Variants in DAB1 observed in about 807,000 individuals in gnomAD.
The protein encoded by DAB1 is DAB adaptor protein 1.
A neutral mutation model predicts 64.6 loss-of-function variants in DAB1; 15 were observed. The ratio of observed to expected loss-of-function variants is 0.23; its 90% confidence interval spans 0.16 to 0.36. The LOEUF (loss-of-function observed/expected upper bound fraction) is 0.36, where lower values mean the gene tolerates loss of function less well. Among genes scored for constraint, DAB1 ranks in the 10% least tolerant of loss-of-function variants. The probability of loss-of-function intolerance (pLI) is 1.00; values close to 1 mark genes in which losing one functional copy is unlikely to be tolerated. For synonymous variants in DAB1, 235 were observed against 251.9 expected (o/e 0.93, Z 0.64); for missense variants, 596 against 706.7 (o/e 0.84, Z 1.78).
intron 1 of DAB1, among the ~76,000 whole-genome samples, chr1:57,357,519 C>CTTTTTT (rs35457403): frequency 8.1e-6 from 1 of 122,792 alleles, no homozygotes; most frequent in African/African-American, 3.1e-5. Flanking sequence ...CACCTTCTTC[C>CTTTTTT]TTTTTTTTTT....
At chr1:57,681,687 A>G (rs1208850587) in intron 6 of DAB1, among the ~76,000 whole-genome samples, 1 of 152,206 alleles carries the variant, frequency 6.6e-6, no homozygotes, top group African/African-American at 2.4e-5. Flanking sequence ...GTCAGTAGAT[A>G]AGACATTTTA....
At chr1:58,428,669 T>C (rs1245326900) in intron 3 of DAB1, among the ~76,000 whole-genome samples, 1 of 152,222 alleles carries the variant, frequency 6.6e-6, no homozygotes, top group Admixed American at 6.5e-5. Flanking sequence ...TTAAAATATT[T>C]ATAGTTCAAA....
At chr1:58,530,393 C>A (rs776591648) in intron 1 of DAB1, among the ~76,000 whole-genome samples, 7 of 152,166 alleles carry the variant, frequency 4.6e-5, no homozygotes, top group Non-Finnish European at 7.3e-5. Flanking sequence ...ACTCTCCATA[C>A]CCATCATTTG....
intron 6 of DAB1, among the ~76,000 whole-genome samples, chr1:57,684,125 G>C (rs1386820836): frequency 6.6e-6 from 1 of 152,070 alleles, no homozygotes; most frequent in Non-Finnish European, 1.5e-5. Context: ...ATTATGTAAA[G>C]AGACCAAACT....
chr1:57,771,707 C>T (rs1649570540), intron 6 of DAB1, among the ~76,000 whole-genome samples: 1 of 152,026 alleles, frequency 6.6e-6, no homozygotes. Flanking sequence ...TACCTCACTC[C>T]CAAATTCTTC....
rs543897326 is a variant in DAB1, at chr1:57,040,652, A to G, written c.724-14609T>C. Among the ~76,000 whole-genome samples the G allele has an allele frequency of 3.9e-5, 6 of 152,322 alleles. No individual in the cohort carries two copies. In the South Asian group the frequency reaches 1.2e-3, roughly 32 times the overall value. On this transcript the variant is annotated intron_variant, in intron 9 of 14. Coordinates refer to ENST00000371236, the MANE Select transcript of DAB1 (RefSeq NM_001365792.1). ...ATGCACAGGTATAAATATACACAGA[A>G]AACCAGAAATCAAAGGGGAAGCATT...
At chr1:57,710,772 A>G (rs549159700) in intron 6 of DAB1, among the ~76,000 whole-genome samples, 2 of 152,220 alleles carry the variant, frequency 1.3e-5, no homozygotes, top group African/African-American at 4.8e-5. Flanking sequence ...TGGAATAAAG[A>G]GTTTAATAGA....
intron 3 of DAB1, chr1:58,473,760 ACC>A (rs569332572): frequency 2.0e-6 from 1 of 509,910 alleles, no homozygotes; most frequent in East Asian, 6.9e-5. Context: ...AGCCCTAATG[ACC>A]CCATCTCCAG....
intron 5 of DAB1, among the ~76,000 whole-genome samples, chr1:58,067,339 G>A (rs1557635137): frequency 6.6e-6 from 1 of 152,232 alleles, no homozygotes; most frequent in Non-Finnish European, 1.5e-5. Context: ...GTGAATGAAT[G>A]AGCTTCTCTG....
rs931973142 is a variant in DAB1, at chr1:57,031,694, G to T, written c.724-5651C>A. ...CCTTAGTTAGCCTTGCTAAATAGTGGAAGTCCAGCTCTACAACATTCTCTA... is the reference window on the plus strand; with the variant it reads ...CCTTAGTTAGCCTTGCTAAATAGTGTAAGTCCAGCTCTACAACATTCTCTA... On this transcript the variant is annotated intron_variant, in intron 9 of 14. Coordinates refer to ENST00000371236, the MANE Select transcript of DAB1 (RefSeq NM_001365792.1). Among the ~76,000 whole-genome samples the T allele has an allele frequency of 7.2e-5, 11 of 152,348 alleles. 1 individual carries two copies. The highest frequency in any genetic ancestry group is 4.6e-4 in the Admixed American group (7 of 15,306).
intron 1 of DAB1, among the ~76,000 whole-genome samples, chr1:57,386,366 GAAAAAAAA>G (rs5774342): frequency 1.9e-4 from 22 of 113,438 alleles, no homozygotes; most frequent in East Asian, 6.5e-4. Context: ...GGCCCCTTGG[GAAAAAAAA>G]AAAAAAAAAA....
At chr1:57,659,549 G>A (rs1646360185) in intron 6 of DAB1, among the ~76,000 whole-genome samples, 1 of 152,122 alleles carries the variant, frequency 6.6e-6, no homozygotes, top group Admixed American at 6.5e-5. Context: ...TACTTGCTAT[G>A]TGACCTTGAA....
At position 57,346,814 on chromosome 1, in the gene DAB1, T is replaced by C. The variant is rs539840425; in HGVS notation, c.-136-55648A>G. Among the ~76,000 whole-genome samples, 3 of 152,326 alleles carry C rather than the reference T, an allele frequency of 2.0e-5. No individual in the cohort carries two copies. In the South Asian group the frequency reaches 6.2e-4, roughly 32 times the overall value. On this transcript the variant is annotated intron_variant, in intron 1 of 14. Coordinates refer to ENST00000371236, the MANE Select transcript of DAB1 (RefSeq NM_001365792.1). ...GTTTTCAAGATAGACTGAGGCTCTTTTTAAGTCTCATTACTCCATACTATC... is the reference window on the plus strand; with the variant it reads ...GTTTTCAAGATAGACTGAGGCTCTTCTTAAGTCTCATTACTCCATACTATC...
chr1:57,621,105 CTG>C (rs1423783011), intron 7 of DAB1, among the ~76,000 whole-genome samples: 1 of 151,448 alleles, frequency 6.6e-6, no homozygotes, highest in Non-Finnish European at 1.5e-5. Context: ...GTGCATAAGA[CTG>C]AGAGACAGAA....
intron 4 of DAB1, among the ~76,000 whole-genome samples, chr1:58,197,144 C>T (rs747826458): frequency 4.6e-5 from 7 of 152,140 alleles, no homozygotes; most frequent in South Asian, 2.1e-4. Context: ...TGAATTATAA[C>T]GTGGAGCAGA....
chr1:58,138,388 TAAAG>T (rs1207278129), intron 5 of DAB1, among the ~76,000 whole-genome samples: 3 of 152,136 alleles, frequency 2.0e-5, no homozygotes, highest in Non-Finnish European at 4.4e-5. Context: ...TTATGGGGCT[TAAAG>T]AAAGTCTCAC....
chr1:58,341,551 G>T (rs1643934556), intron 4 of DAB1, among the ~76,000 whole-genome samples: 1 of 152,166 alleles, frequency 6.6e-6, no homozygotes, highest in South Asian at 2.1e-4. Flanking sequence ...GATCGTATCT[G>T]CAGTTTACAG....
chr1:58,025,731 C>T (rs1646885884), intron 5 of DAB1, among the ~76,000 whole-genome samples: 1 of 139,128 alleles, frequency 7.2e-6, no homozygotes, highest in African/African-American at 2.7e-5. Flanking sequence ...TGAATTCAAC[C>T]CTGATCATAT....
At chr1:57,114,293 A>T (rs531448669) in intron 4 of DAB1, among the ~76,000 whole-genome samples, 1 of 152,216 alleles carries the variant, frequency 6.6e-6, no homozygotes, top group South Asian at 2.1e-4. Flanking sequence ...TTAAGGAAAG[A>T]AAATGGAAGG....
Sources: gnomAD v4.1 joint callset for allele counts (sites outside exome capture counted in the v4.1 genomes callset) on GRCh38, gnomAD v4.1.1 for gene constraint, MANE v1.5 for transcripts, NCBI Gene and HGNC (gene_info 2026-07-23, HGNC 2026-07-21) for gene names.